The following TTC28 variants were observed in gnomAD, a reference collection of about 807,000 sequenced individuals.
TTC28 encodes the protein tetratricopeptide repeat protein 28.
A neutral mutation model predicts 198.0 loss-of-function variants in TTC28; 61 were observed. The observed-to-expected ratio is 0.31, with a 90% CI of 0.25 to 0.38. The LOEUF is 0.38. Among genes scored for constraint, TTC28 ranks in the 10% least tolerant of loss-of-function variants. The pLI is 1.00. For synonymous variants in TTC28, 1,171 were observed against 1,297.8 expected (o/e 0.90, Z 2.10); for missense variants, 2,678 against 3,164.0 (o/e 0.85, Z 3.69).
chr22:28,029,070 C>T (rs1187452880), intron 13 of TTC28: 3 of 471,112 alleles, frequency 6.4e-6, no homozygotes, highest in Non-Finnish European at 1.3e-5. Flanking sequence ...AGAGCAAGAA[C>T]ATGTGTCCAG....
chr22:28,179,475 G>C (rs553700698), intron 5 of TTC28, among the ~76,000 whole-genome samples: 1 of 152,216 alleles, frequency 6.6e-6, no homozygotes, highest in African/African-American at 2.4e-5. Flanking sequence ...CGGTTTTTAA[G>C]GCCATTCACA....
In TTC28 at chr22:28,675,615, G is replaced by A. The variant is rs548346363; in HGVS notation, c.102+4007C>T. Among the ~76,000 whole-genome samples the A allele has an allele frequency of 4.6e-5, 7 of 151,894 alleles. No homozygotes were observed. The South Asian group carries it at 1.0e-3, about 23-fold the overall frequency. ...GAAAATACAAAAATTAACCGTGCCT[G>A]TAGTCCTACCTGCTCAGGAGGCTCA... On this transcript the variant is annotated intron_variant, in intron 1 of 22. Coordinates refer to ENST00000397906, the MANE Select transcript of TTC28 (RefSeq NM_001145418.2).
At chr22:28,488,716 T>C (rs1487348407) in intron 2 of TTC28, among the ~76,000 whole-genome samples, 1 of 152,042 alleles carries the variant, frequency 6.6e-6, no homozygotes, top group Non-Finnish European at 1.5e-5. Flanking sequence ...TCTAAGGGTG[T>C]AAAAAAGAAG....
At chr22:28,238,179 T>C (rs1929388272) in intron 5 of TTC28, among the ~76,000 whole-genome samples, 1 of 152,196 alleles carries the variant, frequency 6.6e-6, no homozygotes, top group African/African-American at 2.4e-5. Flanking sequence ...TTCAAATATT[T>C]GTATGCCCAC....
At chr22:28,432,710 G>A (rs2047451609) in intron 2 of TTC28, among the ~76,000 whole-genome samples, 1 of 152,190 alleles carries the variant, frequency 6.6e-6, no homozygotes, top group African/African-American at 2.4e-5. Context: ...TTGTATTTGT[G>A]TAAACTGACA....
At chr22:28,665,204 T>TA (rs2051810171) in intron 1 of TTC28, among the ~76,000 whole-genome samples, 1 of 13,424 alleles carries the variant, frequency 7.4e-5, no homozygotes, top group African/African-American at 3.8e-4. Context: ...TGCCAAAATG[T>TA]AAAGACCATC....
At chr22:27,991,876 A>G (rs1199444964) in intron 19 of TTC28, among the ~76,000 whole-genome samples, 1 of 152,244 alleles carries the variant, frequency 6.6e-6, no homozygotes, top group Non-Finnish European at 1.5e-5. Flanking sequence ...TTCCTAAAAG[A>G]AAGCACATCT....
At chr22:28,141,115 C>T (rs1454647550) in intron 6 of TTC28, among the ~76,000 whole-genome samples, 1 of 152,184 alleles carries the variant, frequency 6.6e-6, no homozygotes, top group Non-Finnish European at 1.5e-5. Context: ...CCAAATTTGG[C>T]TCACTCAGAG....
intron 14 of TTC28, chr22:28,007,937 G>A (rs1219422528): frequency 2.6e-5 from 4 of 152,112 alleles, no homozygotes; most frequent in Admixed American, 2.6e-4. Flanking sequence ...CTTGGGTGAT[G>A]TCTGTCCTCA....
intron 6 of TTC28, among the ~76,000 whole-genome samples, chr22:28,126,174 T>C (rs1942909247): frequency 6.6e-6 from 1 of 152,210 alleles, no homozygotes; most frequent in East Asian, 1.9e-4. Flanking sequence ...CATTACATGG[T>C]TTCTCCATTG....
At chr22:28,621,203 C>T (rs1053393406) in intron 2 of TTC28, among the ~76,000 whole-genome samples, 7 of 152,136 alleles carry the variant, frequency 4.6e-5, no homozygotes, top group Non-Finnish European at 1.5e-5. Flanking sequence ...TTTTTGAAGA[C>T]TCCTCCTAAA....
At chr22:28,101,534 AT>A in intron 8 of TTC28, among the ~76,000 whole-genome samples, 1 of 151,948 alleles carries the variant, frequency 6.6e-6, no homozygotes, top group South Asian at 2.1e-4. Flanking sequence ...TGGCTTTTGT[AT>A]TTTTTGGTAC....
intron 2 of TTC28, among the ~76,000 whole-genome samples, chr22:28,534,635 T>C (rs1453666746): frequency 6.6e-6 from 1 of 152,160 alleles, no homozygotes; most frequent in Admixed American, 6.5e-5. Flanking sequence ...GTGGCACTAT[T>C]CACAATAGCA....
At position 28,677,937 on chromosome 22, in the gene TTC28, C is replaced by CA. The variant is rs1299057405; in HGVS notation, c.102+1684dup. ...TGGAAGACAGAGTGAGGCTCCGTCT[C>CA]AAAAAAAAAAAGAAAAAGAAGAAAA... On this transcript the variant is annotated intron_variant, in intron 1 of 22. Coordinates refer to ENST00000397906, the MANE Select transcript of TTC28 (RefSeq NM_001145418.2). Among the ~76,000 whole-genome samples, 375 of 122,820 alleles carry CA rather than the reference C, an allele frequency of 3.1e-3. 1 individual carries two copies. The highest frequency in any genetic ancestry group is 0.014 in the Middle Eastern group (3 of 220). The allele number at this position is 122,820 out of a possible 152,430, so 80.6% of individuals were successfully genotyped here. A position where few individuals can be genotyped will look rare whatever the true frequency, so the allele number is the denominator to read the frequency against.
chr22:28,062,602 G>A (rs1009722626), intron 12 of TTC28, among the ~76,000 whole-genome samples: 2 of 151,908 alleles, frequency 1.3e-5, no homozygotes, highest in Non-Finnish European at 2.9e-5. Context: ...CCAAGAAGCT[G>A]AGAATGCAGA....
intron 5 of TTC28, among the ~76,000 whole-genome samples, chr22:28,248,893 A>C (rs134188): frequency 0.79 from 119,860 of 151,948 alleles, 47,507 homozygotes; most frequent in South Asian, 0.85. Context: ...GGGGGGAAAT[A>C]CAGAACCATA....
At chr22:28,268,971 C>T (rs545364777) in intron 5 of TTC28, among the ~76,000 whole-genome samples, 9 of 152,212 alleles carry the variant, frequency 5.9e-5, no homozygotes, top group South Asian at 2.1e-4. Context: ...AAAGAAAGTA[C>T]GCTATATCTT....
chr22:28,615,235 C>A (rs1308951143), intron 2 of TTC28, among the ~76,000 whole-genome samples: 4 of 152,154 alleles, frequency 2.6e-5, no homozygotes, highest in Admixed American at 2.0e-4. Flanking sequence ...AAATGCAAAT[C>A]AAAACCACAA....
At chr22:28,591,798 CA>C in intron 2 of TTC28, among the ~76,000 whole-genome samples, 1 of 152,006 alleles carries the variant, frequency 6.6e-6, no homozygotes, top group East Asian at 1.9e-4. Context: ...CAGGTGAAGA[CA>C]ATTTACATAT....
Sources: gnomAD v4.1 joint callset for allele counts (sites outside exome capture counted in the v4.1 genomes callset) on GRCh38, gnomAD v4.1.1 for gene constraint, MANE v1.5 for transcripts, NCBI Gene and HGNC (gene_info 2026-07-23, HGNC 2026-07-21) for gene names.